CCSER1: variants seen among roughly 807,000 people sequenced by gnomAD.
CCSER1 encodes the protein serine-rich coiled-coil domain-containing protein 1.
A neutral mutation model predicts 82.0 loss-of-function variants in CCSER1; 41 were observed. The observed-to-expected ratio is 0.50, with a 90% CI of 0.39 to 0.65. The LOEUF (loss-of-function observed/expected upper bound fraction) is 0.65, where lower values mean the gene tolerates loss of function less well. Ranked by LOEUF, CCSER1 falls within the 30% of genes least tolerant of loss-of-function variation. CCSER1 has a pLI of 0.00. For missense variants in CCSER1, 1,119 were observed against 1,064.2 expected (o/e 1.05, Z -0.72); for synonymous variants, 414 against 383.9 (o/e 1.08, Z -0.92).
intron 5 of CCSER1, among the ~76,000 whole-genome samples, chr4:90,592,143 A>G (rs1160602081): frequency 6.6e-6 from 1 of 152,168 alleles, no homozygotes; most frequent in Non-Finnish European, 1.5e-5. Flanking sequence ...TGGCACATGT[A>G]TGGCTGCATA....
At position 90,309,212 on chromosome 4, in the gene CCSER1, C is replaced by T. The variant is rs534619766; in HGVS notation, c.928C>T (p.Leu310Phe). The change falls in exon 2 of 11, where the codon CTT becomes TTT. Residue 310 changes from leucine (L) to phenylalanine (F), a missense_variant. Transcript: ENST00000509176. ...SAAVTKTTTE[L>F]TGTVPCAIMS... The stretch of plus-strand genomic sequence containing the variant: ...TGCTGTTACAAAGACAACAACAGAA[C>T]TTACGGGAACTGTTCCCTGTGCAAT... 1 of 1,613,930 alleles carries T rather than the reference C, an allele frequency of 6.2e-7. No individual in the cohort carries two copies. Among genetic ancestry groups the T allele is most frequent in the South Asian group, 1.1e-5 (1 of 91,084 alleles).
chr4:90,372,222 A>G (rs1747557950), intron 3 of CCSER1, among the ~76,000 whole-genome samples: 1 of 152,214 alleles, frequency 6.6e-6, no homozygotes, highest in South Asian at 2.1e-4. Flanking sequence ...TGTGGCTTAT[A>G]TGGCCACATA....
chr4:90,742,712 A>G (rs1203907324), intron 7 of CCSER1, among the ~76,000 whole-genome samples: 3 of 152,230 alleles, frequency 2.0e-5, no homozygotes, highest in Non-Finnish European at 4.4e-5. Flanking sequence ...AAATGCAATT[A>G]ATTTTGCCAT....
chr4:90,299,106 C>T (rs188107425), intron 1 of CCSER1, among the ~76,000 whole-genome samples: 3 of 151,612 alleles, frequency 2.0e-5, no homozygotes, highest in Admixed American at 2.0e-4. Context: ...ATCATCATCC[C>T]TTAATTAATT....
intron 10 of CCSER1, among the ~76,000 whole-genome samples, chr4:91,372,286 T>G (rs1750100110): frequency 6.6e-6 from 1 of 152,148 alleles, no homozygotes; most frequent in African/African-American, 2.4e-5. Context: ...TCTTCTAAAA[T>G]GCACAGTATA....
rs566270493 is a variant in CCSER1 at position 91,000,265 on chromosome 4, G to C, written c.2172+76818G>C. 3.6e-5 allele frequency among the ~76,000 whole-genome samples: 4 copies of C among 110,290 alleles called. No individual in the cohort carries two copies. The South Asian group carries it at 1.2e-3, about 33-fold the overall frequency. 72.4% of individuals were successfully genotyped at this position (110,290 alleles called of 152,430 possible). A position where few individuals can be genotyped will look rare whatever the true frequency, so the allele number is the denominator to read the frequency against. ...GTATAGTATAGTATAGTATAGTATA[G>C]TATAGTATAGTATGTATAGTTTAGG... On this transcript the variant is annotated intron_variant, in intron 9 of 10. Transcript: ENST00000509176.
chr4:90,136,342 C>A (rs1278189018), intron 1 of CCSER1, among the ~76,000 whole-genome samples: 1 of 151,968 alleles, frequency 6.6e-6, no homozygotes, highest in Non-Finnish European at 1.5e-5. Flanking sequence ...ACAGCAAGAC[C>A]CTGTCTCTAA....
At chr4:90,474,585 C>T (rs1764815430) in intron 5 of CCSER1, among the ~76,000 whole-genome samples, 1 of 152,094 alleles carries the variant, frequency 6.6e-6, no homozygotes, top group Admixed American at 6.6e-5. Flanking sequence ...TGAAATCAGC[C>T]ATGGTGGGTG....
chr4:90,659,482 T>C (rs1730349275), intron 6 of CCSER1, among the ~76,000 whole-genome samples: 1 of 152,114 alleles, frequency 6.6e-6, no homozygotes, highest in Non-Finnish European at 1.5e-5. Context: ...AATTGTATTA[T>C]TATTTTTTCA....
At chr4:90,197,547 T>C (rs888257706) in intron 1 of CCSER1, among the ~76,000 whole-genome samples, 5 of 152,106 alleles carry the variant, frequency 3.3e-5, no homozygotes, top group Non-Finnish European at 7.4e-5. Flanking sequence ...CATCAACAGA[T>C]GAATGGATAA....
intron 8 of CCSER1, among the ~76,000 whole-genome samples, chr4:90,837,077 A>T (rs1761894671): frequency 6.6e-6 from 1 of 152,216 alleles, no homozygotes; most frequent in Non-Finnish European, 1.5e-5. Context: ...TTGCTGTCAT[A>T]TTAAGAAGCA....
intron 10 of CCSER1, among the ~76,000 whole-genome samples, chr4:91,086,668 C>A (rs1723431150): frequency 6.6e-6 from 1 of 151,960 alleles, no homozygotes; most frequent in African/African-American, 2.4e-5. Flanking sequence ...AATTTTTGTA[C>A]AAAAGTGAAG....
At chr4:90,956,701 A>G (rs1484447930) in intron 9 of CCSER1, among the ~76,000 whole-genome samples, 4 of 152,078 alleles carry the variant, frequency 2.6e-5, no homozygotes, top group Non-Finnish European at 1.5e-5. Context: ...ACTGGTTTAT[A>G]CAAGGATTTC....
intron 1 of CCSER1, among the ~76,000 whole-genome samples, chr4:90,264,675 G>A (rs1171596479): frequency 8.6e-6 from 1 of 116,416 alleles, no homozygotes; most frequent in Non-Finnish European, 1.7e-5. Flanking sequence ...TGTCTACATA[G>A]CTGTCTAATA....
intron 10 of CCSER1, among the ~76,000 whole-genome samples, chr4:91,402,163 T>G (rs1250231278): frequency 6.6e-6 from 1 of 152,232 alleles, no homozygotes; most frequent in African/African-American, 2.4e-5. Context: ...ATGAGCATTT[T>G]TTCATGTGTC....
chr4:90,599,214 G>A (rs1198833127), intron 5 of CCSER1, among the ~76,000 whole-genome samples: 1 of 152,152 alleles, frequency 6.6e-6, no homozygotes, highest in Non-Finnish European at 1.5e-5. Context: ...TCTCATCTCA[G>A]GTGGTGATCC....
chr4:90,824,157 C>T (rs931755670), intron 8 of CCSER1, among the ~76,000 whole-genome samples: 1 of 151,942 alleles, frequency 6.6e-6, no homozygotes, highest in Non-Finnish European at 1.5e-5. Context: ...AAACATGTAT[C>T]CCTTTTCGTG....
intron 5 of CCSER1, among the ~76,000 whole-genome samples, chr4:90,547,946 C>G (rs1579091360): frequency 6.6e-6 from 1 of 152,038 alleles, no homozygotes; most frequent in Non-Finnish European, 1.5e-5. Flanking sequence ...ATTTGCTAAA[C>G]AAATCTCCAA....
At chr4:90,533,756 G>A (rs1243887270) in intron 5 of CCSER1, among the ~76,000 whole-genome samples, 1 of 152,144 alleles carries the variant, frequency 6.6e-6, no homozygotes, top group African/African-American at 2.4e-5. Context: ...GAATGTAAAT[G>A]CCCTAGTATT....
Sources: gnomAD v4.1 joint callset for allele counts (sites outside exome capture counted in the v4.1 genomes callset) on GRCh38, gnomAD v4.1.1 for gene constraint, MANE v1.5 for transcripts, NCBI Gene and HGNC (gene_info 2026-07-23, HGNC 2026-07-21) for gene names.